SERGEF: variants seen among roughly 807,000 people sequenced by gnomAD.
SERGEF encodes secretion regulating guanine nucleotide exchange factor.
A neutral mutation model predicts 50.0 loss-of-function variants in SERGEF; 51 were observed. The ratio of observed to expected loss-of-function variants is 1.02; its 90% CI spans 0.81 to 1.29. SERGEF has a LOEUF of 1.29. SERGEF is among the 50% of genes most tolerant of loss of function. The pLI is 0.00. For missense variants in SERGEF, 521 were observed against 557.0 expected (o/e 0.94, Z 0.65); for synonymous variants, 205 against 212.4 (o/e 0.97, Z 0.30).
In SERGEF at chr11:17,830,672, G is replaced by GAGAGAC. The variant is rs1554999478; in HGVS notation, c.1049-42260_1049-42259insGTCTCT. Among the ~76,000 whole-genome samples, 413 of 144,980 alleles carry GAGAGAC rather than the reference G, an allele frequency of 2.8e-3. 6 individuals are homozygous for GAGAGAC. The highest frequency in any genetic ancestry group is 0.01 in the African/African-American group (401 of 38,294). ...AGGGAGAGAGAGAGAGAGAGAGAGA[G>GAGAGAC]AGAGAGAGAGAGAGAGCACATGTAC... On this transcript the variant is annotated intron_variant, in intron 10 of 10. Coordinates refer to ENST00000265965, the MANE Select transcript of SERGEF (RefSeq NM_012139.4).
chr11:17,919,499 G>GACATCAA (rs1229117831), intron 9 of SERGEF, among the ~76,000 whole-genome samples: 1 of 152,150 alleles, frequency 6.6e-6, no homozygotes, highest in Non-Finnish European at 1.5e-5. Context: ...AGAAAAGGAA[G>GACATCAA]ACATCAAAGT....
chr11:17,965,488 C>T (rs1287785271), intron 8 of SERGEF, among the ~76,000 whole-genome samples: 7 of 152,196 alleles, frequency 4.6e-5, no homozygotes, highest in Non-Finnish European at 1.0e-4. Context: ...AACTCCTACT[C>T]ATCTTCAACT....
chr11:17,829,069 A>T (rs1850250149), intron 10 of SERGEF, among the ~76,000 whole-genome samples: 1 of 152,224 alleles, frequency 6.6e-6, no homozygotes, highest in African/African-American at 2.4e-5. Flanking sequence ...TCAATCACAG[A>T]GGAAGTGTTT....
rs887813508 is a variant in SERGEF at position 18,013,022 on chromosome 11, C to T, written c.-12G>A. The T allele has an allele frequency of 3.6e-6, 5 of 1,369,946 alleles. No homozygotes were observed. The African/African-American group carries it at 7.7e-5, about 21-fold the overall frequency. The allele number at this position is 1,369,946 out of a possible 1,614,324, so 84.9% of individuals were successfully genotyped here. ...GGCTCGCGCTCCATGCGAGGACGCTCCGCCGGCGCTTCCGGGAGGGACGGC... is the reference window on the plus strand; with the variant it reads ...GGCTCGCGCTCCATGCGAGGACGCTTCGCCGGCGCTTCCGGGAGGGACGGC... On this transcript the variant is annotated 5_prime_UTR_variant, in exon 1 of 11. Transcript: ENST00000265965. The surrounding 1 kb of genome is among the most constrained non-coding windows in gnomAD (Gnocchi z 4.3).
At chr11:17,789,952 T>A (rs1849452942) in intron 10 of SERGEF, among the ~76,000 whole-genome samples, 1 of 152,166 alleles carries the variant, frequency 6.6e-6, no homozygotes, top group South Asian at 2.1e-4. Flanking sequence ...GCCATTGCAC[T>A]CCACCCCGGG....
chr11:17,865,182 A>G (rs1039054558), intron 10 of SERGEF, among the ~76,000 whole-genome samples: 1 of 152,218 alleles, frequency 6.6e-6, no homozygotes, highest in African/African-American at 2.4e-5. Flanking sequence ...AGTAGCTGTG[A>G]TAATGTTGTA....
intron 9 of SERGEF, among the ~76,000 whole-genome samples, chr11:17,901,410 A>G (rs1000101793): frequency 6.6e-6 from 1 of 152,232 alleles, no homozygotes; most frequent in African/African-American, 2.4e-5. Context: ...AGCCTATAGA[A>G]CAAACCACGA....
At chr11:17,810,847 ATTC>A (rs1211498285) in intron 10 of SERGEF, among the ~76,000 whole-genome samples, 2 of 151,984 alleles carry the variant, frequency 1.3e-5, no homozygotes, top group African/African-American at 2.4e-5. Context: ...CCTTCCAGCA[ATTC>A]TTCTCTGTTC....
chr11:17,790,656 G>T (rs1176808464), intron 10 of SERGEF, among the ~76,000 whole-genome samples: 1 of 152,104 alleles, frequency 6.6e-6, no homozygotes, highest in Non-Finnish European at 1.5e-5. Context: ...ATTTGTACAG[G>T]GTGATCCCTG....
At chr11:17,848,439 A>G (rs1371351241) in intron 10 of SERGEF, among the ~76,000 whole-genome samples, 1 of 152,228 alleles carries the variant, frequency 6.6e-6, no homozygotes, top group Non-Finnish European at 1.5e-5. Context: ...AGGTCACCAT[A>G]TACAGTAAAT....
At chr11:17,934,822 T>A (rs962549497) in intron 9 of SERGEF, among the ~76,000 whole-genome samples, 2 of 152,246 alleles carry the variant, frequency 1.3e-5, no homozygotes, top group African/African-American at 4.8e-5. Context: ...GAAAACTTCA[T>A]CTACAATTCC....
At chr11:18,006,469 C>A in intron 3 of SERGEF, 122 bp downstream of exon 3, 1 of 986,738 alleles carries the variant, frequency 1.0e-6, no homozygotes, top group Non-Finnish European at 1.5e-6. Context: ...AGCCACCGCA[C>A]CAGGCCTTAT....
Position 17,970,871 on chromosome 11 carries a change from T to C in SERGEF, c.845-11235A>G, listed in dbSNP as rs182589102. 4.0e-3 allele frequency among the ~76,000 whole-genome samples: 606 copies of C among 152,072 alleles called. 7 individuals carry two copies. The highest frequency in any genetic ancestry group is 0.013 in the African/African-American group (560 of 41,490). On this transcript the variant is annotated intron_variant, in intron 8 of 10. Coordinates refer to ENST00000265965, the MANE Select transcript of SERGEF (RefSeq NM_012139.4). ...GAACTGAGGAAAAAAAGATGGAAGC[T>C]AGCAGAGGATGGTTCATGAGGTTTA... is the stretch of plus-strand genomic sequence containing the variant.
chr11:17,837,549 G>GTC (rs1850423028), intron 10 of SERGEF, among the ~76,000 whole-genome samples: 1 of 150,882 alleles, frequency 6.6e-6, no homozygotes, highest in Non-Finnish European at 1.5e-5. Context: ...GCTCCCCTTT[G>GTC]TCTTCTGTCA....
intron 10 of SERGEF, among the ~76,000 whole-genome samples, chr11:17,866,619 C>T (rs1851029891): frequency 1.3e-5 from 2 of 152,194 alleles, no homozygotes; most frequent in South Asian, 4.1e-4. Context: ...ATTCTTGTGC[C>T]TCAGCCTCCC....
intron 9 of SERGEF, among the ~76,000 whole-genome samples, chr11:17,891,290 T>C (rs748043471): frequency 3.9e-5 from 6 of 152,168 alleles, no homozygotes; most frequent in Non-Finnish European, 8.8e-5. Flanking sequence ...TAAAAAGCAT[T>C]TCTTGTGAAA....
chr11:17,974,775 T>C (rs1853332163), intron 8 of SERGEF, among the ~76,000 whole-genome samples: 1 of 152,212 alleles, frequency 6.6e-6, no homozygotes, highest in Non-Finnish European at 1.5e-5. Flanking sequence ...CACAATTTAC[T>C]ATTGTTTTCA....
At chr11:17,790,076 C>T (rs1849455851) in intron 10 of SERGEF, among the ~76,000 whole-genome samples, 1 of 152,218 alleles carries the variant, frequency 6.6e-6, no homozygotes, top group Non-Finnish European at 1.5e-5. Context: ...AGACGCAGAT[C>T]TCCACCCAGA....
intron 9 of SERGEF, among the ~76,000 whole-genome samples, chr11:17,880,138 G>C (rs946057111): frequency 2.0e-5 from 3 of 152,278 alleles, no homozygotes; most frequent in South Asian, 4.1e-4. Context: ...CAGGGAAAAG[G>C]GTTACCCACA....
Sources: gnomAD v4.1 joint callset for allele counts (sites outside exome capture counted in the v4.1 genomes callset) on GRCh38, gnomAD v4.1.1 for gene constraint, Gnocchi (gnomAD v3.1) non-coding constraint, MANE v1.5 for transcripts, NCBI Gene and HGNC (gene_info 2026-07-23, HGNC 2026-07-21) for gene names.